The following UBE2J2 variants were observed in gnomAD, a reference collection of about 807,000 sequenced individuals.
UBE2J2 encodes ubiquitin conjugating enzyme E2 J2, also known as ubiquitin-conjugating enzyme E2 J2.
In UBE2J2, 5 loss-of-function variants were observed where a neutral mutation model predicts 28.6. The ratio of observed to expected loss-of-function variants is 0.17; its 90% CI spans 0.09 to 0.37. UBE2J2 has a LOEUF of 0.37. Ranked by LOEUF, UBE2J2 falls within the 10% of genes least tolerant of loss-of-function variation. UBE2J2 has a pLI of 1.00. For synonymous variants in UBE2J2, 138 were observed against 139.7 expected, an observed-to-expected ratio of 0.99 and a Z score of 0.09; for missense variants, 226 against 338.9, an observed-to-expected ratio of 0.67 and a Z score of 2.62.
intron 2 of UBE2J2, 137 bp downstream of exon 2, chr1:1,267,725 C>A: frequency 6.6e-7 from 1 of 1,514,626 alleles, no homozygotes. Flanking sequence ...CCTGGGCACC[C>A]CACTCACCCC....
At position 1,256,888 on chromosome 1, in the gene UBE2J2, GAAAAAAAAAAAAA is replaced by G. The variant is rs57305655; in HGVS notation, c.414+91_414+103del. On this transcript the variant is annotated intron_variant, in intron 5 of 6. Coordinates refer to ENST00000349431, the MANE Select transcript of UBE2J2 (RefSeq NM_058167.3). ...GAGACACAGCGAGACTCCGTCTCAA[GAAAAAAAAAAAAA>G]AAAAAAAAAAGGCAGCTGCAACTCA... 6 of 513,874 alleles carry G rather than the reference GAAAAAAAAAAAAA, an allele frequency of 1.2e-5. No individual in the cohort carries two copies. The African/African-American group carries it at 1.7e-4, about 15-fold the overall frequency. 31.8% of individuals were successfully genotyped at this position (513,874 alleles called of 1,614,324 possible). A position where few individuals can be genotyped will look rare whatever the true frequency, so the allele number is the denominator to read the frequency against.
rs543795319 is a variant in UBE2J2, at chr1:1,264,845, T to G, written c.132-1459A>C. 1.9e-5 allele frequency: 3 copies of G among 153,864 alleles called. No individual in the cohort carries two copies. In the East Asian group the frequency reaches 5.8e-4, roughly 30 times the overall value. 9.5% of individuals were successfully genotyped at this position (153,864 alleles called of 1,614,324 possible). A position where few individuals can be genotyped will look rare whatever the true frequency, so the allele number is the denominator to read the frequency against. On this transcript the variant is annotated intron_variant, in intron 2 of 6. Transcript: ENST00000349431. ...ATCGCTTGAACCTGGAAGACGGAGG[T>G]TGCAGTGAGCCGAGGTCACACCGCT...
intron 1 of UBE2J2, among the ~76,000 whole-genome samples, chr1:1,270,836 C>T (rs1469019459): frequency 1.3e-5 from 2 of 152,104 alleles, no homozygotes; most frequent in African/African-American, 4.8e-5. Flanking sequence ...TCCTCATTCC[C>T]AGCTCCCAAG....
rs371981602 is a variant in UBE2J2, at chr1:1,260,429, G to A, written c.172+2917C>T. On this transcript the variant is annotated intron_variant, in intron 3 of 6. Transcript: ENST00000349431. ...GGTGCTGGGAGATGGACACCCTGCTGCCTCACTGCGTGCGCACACCTGTCG... is the reference window on the plus strand; with the variant it reads ...GGTGCTGGGAGATGGACACCCTGCTACCTCACTGCGTGCGCACACCTGTCG... Among the ~76,000 whole-genome samples, 9 of 152,188 alleles carry A rather than the reference G, an allele frequency of 5.9e-5. No individual in the cohort carries two copies. In the East Asian group the frequency reaches 7.7e-4, roughly 13 times the overall value.
intron 1 of UBE2J2, among the ~76,000 whole-genome samples, chr1:1,271,239 C>A (rs6668223): frequency 0.037 from 5,604 of 152,352 alleles, 150 homozygotes; most frequent in African/African-American, 0.073. Flanking sequence ...CTAAAGAAGC[C>A]AATGGGCCAG....
chr1:1,260,163 G>A (rs1279345788), intron 3 of UBE2J2, among the ~76,000 whole-genome samples: 3 of 152,238 alleles, frequency 2.0e-5, no homozygotes, highest in Non-Finnish European at 1.5e-5. Context: ...GCATGAGCAA[G>A]TGCCACTGTC....
intron 1 of UBE2J2, among the ~76,000 whole-genome samples, chr1:1,270,191 C>G (rs1557568912): frequency 6.6e-6 from 1 of 152,156 alleles, no homozygotes; most frequent in Non-Finnish European, 1.5e-5. Context: ...AACCCCTTTT[C>G]TTTATAAATT....
At chr1:1,266,597 G>A (rs1052089610) in intron 2 of UBE2J2, among the ~76,000 whole-genome samples, 11 of 152,032 alleles carry the variant, frequency 7.2e-5, no homozygotes, top group African/African-American at 1.7e-4. Context: ...CAAGGCGGGC[G>A]GATCACGAGG....
At position 1,255,357 on chromosome 1, in the gene UBE2J2, G is replaced by C; in HGVS notation, c.626C>G (p.Ala209Gly). Residue 209 changes from alanine (A) to glycine (G), a missense_variant, in exon 7 of 7, where the codon GCG becomes GGG. By Grantham distance (60) the Ala-to-Gly change is moderately conservative (BLOSUM62 0). Around this residue, in one of 3 missense-constraint regions of UBE2J2, gnomAD observed 133 missense variants for 161.5 expected, o/e 0.82. Transcript: ENST00000349431. ...QNGIQLLNGH[A>G]PGAVPNLAGL... The stretch of plus-strand genomic sequence containing the variant: ...TGCGAGGTTTGGGACGGCCCCCGGC[G>C]CATGCCCGTTGAGCAGCTGAATCCC... 1 of 1,613,738 alleles carries C rather than the reference G, an allele frequency of 6.2e-7. No individual in the cohort carries two copies. Among genetic ancestry groups the C allele is most frequent in the East Asian group, 2.2e-5 (1 of 44,874 alleles).
At chr1:1,259,371 T>G (rs1173434491) in intron 3 of UBE2J2, among the ~76,000 whole-genome samples, 1 of 152,050 alleles carries the variant, frequency 6.6e-6, no homozygotes, top group East Asian at 1.9e-4. Flanking sequence ...TGCATGCGTG[T>G]GTATGCGTGT....
intron 3 of UBE2J2, among the ~76,000 whole-genome samples, chr1:1,262,651 G>A (rs1009402720): frequency 6.6e-6 from 1 of 152,194 alleles, no homozygotes; most frequent in Admixed American, 6.5e-5. Flanking sequence ...GCCCTGCTCT[G>A]CCTTGTGCTT....
chr1:1,266,260 T>C (rs11260570), intron 2 of UBE2J2: 47,267 of 992,314 alleles, frequency 0.048, 2,420 homozygotes, highest in African/African-American at 0.24. Flanking sequence ...CCGAAACACA[T>C]TTCCTTTCAA....
intron 2 of UBE2J2, among the ~76,000 whole-genome samples, chr1:1,266,507 C>G (rs1383763639): frequency 6.6e-6 from 1 of 151,884 alleles, no homozygotes; most frequent in Admixed American, 6.6e-5. Context: ...GCCTGGGCGA[C>G]AGAGCAAGAC....
rs911007608 is a variant in UBE2J2 at position 1,253,938 on chromosome 1, C to G, written c.*1265G>C. The G allele has an allele frequency of 6.6e-6, 1 of 152,208 alleles. No homozygotes were observed. Among genetic ancestry groups the G allele is most frequent in the African/African-American group, 2.4e-5 (1 of 41,454 alleles). The allele number at this position is 152,208 out of a possible 1,614,324, so 9.4% of individuals were successfully genotyped here. A position where few individuals can be genotyped will look rare whatever the true frequency, so the allele number is the denominator to read the frequency against. ...TCAGAAATAAAGATATAATGAAAGA[C>G]CTTTTTTTTCCACAAGAATAGGTTA... On this transcript the variant is annotated 3_prime_UTR_variant, in exon 7 of 7. Transcript: ENST00000349431.
rs574193013 is a variant in UBE2J2, at chr1:1,254,971, C to T, written c.*232G>A. 2.1e-6 allele frequency: 1 copy of T among 477,350 alleles called. No homozygotes were observed. The highest frequency in any genetic ancestry group is 3.7e-6 in the Non-Finnish European group (1 of 270,736). 29.6% of individuals were successfully genotyped at this position (477,350 alleles called of 1,614,324 possible). The stretch of plus-strand genomic sequence containing the variant: ...GAAGATAAGCTACAAATCCAGCACA[C>T]AAGGCCCACCCACACCAGCCCCAGC... On this transcript the variant is annotated 3_prime_UTR_variant, in exon 7 of 7. Transcript: ENST00000349431.
chr1:1,266,202 T>C, intron 2 of UBE2J2: 1 of 1,280,456 alleles, frequency 7.8e-7, no homozygotes, highest in Non-Finnish European at 1.0e-6. Flanking sequence ...TCCGCCTGCC[T>C]GGGCTGGGCC....
intron 3 of UBE2J2, among the ~76,000 whole-genome samples, chr1:1,258,701 A>T (rs1639354287): frequency 1.3e-5 from 2 of 152,238 alleles, no homozygotes; most frequent in African/African-American, 4.8e-5. Context: ...CCAAATGGCA[A>T]CTTGGCAACT....
chr1:1,267,769 T>C (rs1313777609), intron 2 of UBE2J2, 93 bp downstream of exon 2: 4 of 1,572,406 alleles, frequency 2.5e-6, no homozygotes, highest in South Asian at 2.3e-5. Flanking sequence ...GCCAATGCCA[T>C]GACTGGGGCA....
rs991428720 is a variant in UBE2J2, at chr1:1,268,507, G to A, written c.1-515C>T. On this transcript the variant is annotated intron_variant, in intron 1 of 6. Transcript: ENST00000349431. This position sits in a 1 kb window ranked among gnomAD's most constrained non-coding sequence, Gnocchi z 4.7. ...AAGCAAAACGAGCCGCAGAACGGGG[G>A]AGCCTCTGCGGCTGGAGGGACGAGG... Among the ~76,000 whole-genome samples the A allele has an allele frequency of 1.1e-4, 17 of 152,154 alleles. No individual in the cohort carries two copies. Among genetic ancestry groups the A allele is most frequent in the South Asian group, 4.1e-4 (2 of 4,826 alleles).
Sources: allele counts gnomAD v4.1 joint callset (sites outside exome capture counted in the v4.1 genomes callset), GRCh38; gene constraint gnomAD v4.1.1; regional missense constraint gnomAD v4.1.1; non-coding constraint Gnocchi (gnomAD v3.1); transcripts MANE v1.5; gene names NCBI Gene and HGNC (gene_info 2026-07-23, HGNC 2026-07-21).